ESYT2: variants seen among roughly 807,000 people sequenced by gnomAD.
ESYT2 encodes extended synaptotagmin 2.
A neutral mutation model predicts 107.2 loss-of-function variants in ESYT2; 54 were observed. That is an observed-to-expected ratio of 0.50 (90% confidence interval 0.40 to 0.63). The LOEUF is 0.63. Ranked by LOEUF, ESYT2 falls within the 30% of genes least tolerant of loss-of-function variation. The probability of loss-of-function intolerance (pLI) is 0.00; values close to 1 mark genes in which losing one functional copy is unlikely to be tolerated. For missense variants in ESYT2, 1,020 were observed against 1,094.5 expected (o/e 0.93, Z 0.96); for synonymous variants, 491 against 434.1 (o/e 1.13, Z -1.63).
In ESYT2 at chr7:158,829,441, C is replaced by T; in HGVS notation, c.-23G>A. 1 of 1,187,072 alleles carries T rather than the reference C, an allele frequency of 8.4e-7. No individual in the cohort carries two copies. Among genetic ancestry groups the T allele is most frequent in the Non-Finnish European group, 1.0e-6 (1 of 961,538 alleles). 73.5% of individuals were successfully genotyped at this position (1,187,072 alleles called of 1,614,324 possible). On this transcript the variant is annotated 5_prime_UTR_variant, in exon 1 of 23. Coordinates refer to ENST00000275418, the MANE Select transcript of ESYT2 (RefSeq NM_001367773.1). ...CATCGCCCCGCAGTGCCGCGCTGCC[C>T]TCCCGGCCGAGGCGGGCTGGGTGCT... is the stretch of plus-strand genomic sequence containing the variant.
At chr7:158,738,244 G>A (rs1013667074) in intron 19 of ESYT2, among the ~76,000 whole-genome samples, 5 of 150,548 alleles carry the variant, frequency 3.3e-5, no homozygotes, top group African/African-American at 9.8e-5. Flanking sequence ...CCCAAGAAGC[G>A]GAAGTTGCAG....
chr7:158,827,162 C>CAA (rs34940580), intron 1 of ESYT2, among the ~76,000 whole-genome samples: 14,351 of 105,760 alleles, frequency 0.14, 992 homozygotes, highest in East Asian at 0.36. Context: ...GGCTCTGTCT[C>CAA]AAAAAAAAAA....
At chr7:158,763,889 C>A (rs1006770303) in intron 9 of ESYT2, among the ~76,000 whole-genome samples, 19 of 152,152 alleles carry the variant, frequency 1.2e-4, no homozygotes, top group African/African-American at 4.6e-4. Flanking sequence ...CTGCTTAGCA[C>A]CACTCAGGGT....
At chr7:158,776,848 A>G (rs1474667825) in intron 6 of ESYT2, among the ~76,000 whole-genome samples, 1 of 147,470 alleles carries the variant, frequency 6.8e-6, no homozygotes, top group African/African-American at 2.5e-5. Flanking sequence ...AATCATTTCT[A>G]GCTTCGCTTT....
chr7:158,772,906 A>AC lies in ESYT2; in HGVS notation c.803+434_803+435insG, dbSNP rs1305760990. 2.2e-4 allele frequency among the ~76,000 whole-genome samples: 34 copies of AC among 151,888 alleles called. 1 individual carries two copies. Among genetic ancestry groups the AC allele is most frequent in the South Asian group, 1.9e-3 (9 of 4,798 alleles). On this transcript the variant is annotated intron_variant, in intron 7 of 22. Transcript: ENST00000275418. ...ATGGAATAAAAGTTAAAAAAAAAAA[A>AC]AAGGCAGAAAGGGTGGGGTAGCCAT...
In ESYT2 at chr7:158,798,646, C is replaced by CAAAAAAAAAAAAAAAAAAAAAAA. The variant is rs57351086; in HGVS notation, c.372+362_372+384dup. On this transcript the variant is annotated intron_variant, in intron 2 of 22. Transcript: ENST00000275418. ...GGGCAACAAGAGTGAAGCTCCGTCT[C>CAAAAAAAAAAAAAAAAAAAAAAA]AAAAAAAAAAAAAAAAAAAAAAAAA... 4.0e-5 allele frequency among the ~76,000 whole-genome samples: 2 copies of CAAAAAAAAAAAAAAAAAAAAAAA among 49,852 alleles called. 1 individual carries two copies. Among genetic ancestry groups the CAAAAAAAAAAAAAAAAAAAAAAA allele is most frequent in the African/African-American group, 1.8e-4 (2 of 11,314 alleles). 32.7% of individuals were successfully genotyped at this position (49,852 alleles called of 152,430 possible).
chr7:158,751,574 T>C (rs921271973), intron 14 of ESYT2, among the ~76,000 whole-genome samples: 1 of 152,194 alleles, frequency 6.6e-6, no homozygotes, highest in Non-Finnish European at 1.5e-5. Flanking sequence ...ATGGGCATTT[T>C]TGGAAACTAG....
At chr7:158,736,467 C>A (rs1386120600) in intron 20 of ESYT2, among the ~76,000 whole-genome samples, 1 of 152,112 alleles carries the variant, frequency 6.6e-6, no homozygotes, top group Non-Finnish European at 1.5e-5. Flanking sequence ...AAGTGGGGGC[C>A]AATGACCCCT....
intron 6 of ESYT2, among the ~76,000 whole-genome samples, chr7:158,781,026 G>C (rs1162236586): frequency 6.6e-6 from 1 of 152,218 alleles, no homozygotes; most frequent in Admixed American, 6.5e-5. Flanking sequence ...GCGTGAGAAA[G>C]AAAATAAGTG....
At chr7:158,782,900 CAGG>C (rs76907005) in intron 6 of ESYT2, among the ~76,000 whole-genome samples, 2,141 of 152,244 alleles carry the variant, frequency 0.014, 144 homozygotes, top group East Asian at 0.12. Flanking sequence ...GTGTGTGAGA[CAGG>C]AGGCTCCAAA....
chr7:158,743,689 CAG>C lies in ESYT2; in HGVS notation c.1645-13_1645-12del. The stretch of plus-strand genomic sequence containing the variant: ...CTGCTCGTCTCTGACCTGCAAAACA[CAG>C]GGTGGAAACACTGGCATAACTAGGA... On this transcript the variant is annotated splice_polypyrimidine_tract_variant and intron_variant, in intron 16 of 22. Transcript: ENST00000275418. 1 of 1,604,664 alleles carries C rather than the reference CAG, an allele frequency of 6.2e-7. No homozygotes were observed. The highest frequency in any genetic ancestry group is 8.5e-7 in the Non-Finnish European group (1 of 1,177,366).
chr7:158,735,963 A>T (rs933666924), intron 20 of ESYT2, among the ~76,000 whole-genome samples: 2 of 152,096 alleles, frequency 1.3e-5, no homozygotes, highest in African/African-American at 4.8e-5. Flanking sequence ...CAGCCCACTC[A>T]CTCAGGCTTT....
chr7:158,793,459 G>A (rs1839369518), intron 4 of ESYT2, among the ~76,000 whole-genome samples, 191 bp downstream of exon 4: 1 of 152,100 alleles, frequency 6.6e-6, no homozygotes, highest in South Asian at 2.1e-4. Context: ...TTTTATGAAT[G>A]GCAATGATCA....
chr7:158,736,739 CAT>C, intron 20 of ESYT2, among the ~76,000 whole-genome samples: 1 of 152,214 alleles, frequency 6.6e-6, no homozygotes, highest in Admixed American at 6.5e-5. Context: ...TAATTGATAA[CAT>C]AGTTAAGTGT....
intron 6 of ESYT2, among the ~76,000 whole-genome samples, chr7:158,787,694 T>C (rs996793027): frequency 6.6e-6 from 1 of 152,200 alleles, no homozygotes; most frequent in African/African-American, 2.4e-5. Context: ...GAGGATTAAA[T>C]GAGCAAATAT....
intron 1 of ESYT2, among the ~76,000 whole-genome samples, chr7:158,801,708 T>G (rs1176525312): frequency 6.6e-6 from 1 of 152,222 alleles, no homozygotes; most frequent in African/African-American, 2.4e-5. Flanking sequence ...ATATTATCTG[T>G]ATGAACTAGA....
At chr7:158,776,444 G>A (rs992031111) in intron 6 of ESYT2, among the ~76,000 whole-genome samples, 2 of 152,186 alleles carry the variant, frequency 1.3e-5, no homozygotes, top group Non-Finnish European at 2.9e-5. Flanking sequence ...AATGATCTTA[G>A]CTAGATCTTC....
At chr7:158,752,633 T>C (rs1587389777) in intron 14 of ESYT2, 148 bp downstream of exon 14, 2 of 374,358 alleles carry the variant, frequency 5.3e-6, no homozygotes, top group Middle Eastern at 4.2e-4. Context: ...CTACTAATTA[T>C]TGGATAACAA....
chr7:158,810,646 C>A (rs771549093), intron 1 of ESYT2, among the ~76,000 whole-genome samples: 21 of 151,780 alleles, frequency 1.4e-4, no homozygotes, highest in Non-Finnish European at 2.4e-4. Flanking sequence ...TGCGTCACTG[C>A]GCTCCAGCCT....
Sources: gnomAD v4.1 joint callset for allele counts (sites outside exome capture counted in the v4.1 genomes callset) on GRCh38, gnomAD v4.1.1 for gene constraint, MANE v1.5 for transcripts, NCBI Gene and HGNC (gene_info 2026-07-23, HGNC 2026-07-21) for gene names.